Variants in MAGI2 observed in about 807,000 individuals in gnomAD.
MAGI2 encodes the protein membrane-associated guanylate kinase, WW and PDZ domain-containing protein 2.
Under a neutral mutation model 133.3 loss-of-function variants are expected in MAGI2, and 35 were observed. The ratio of observed to expected loss-of-function variants is 0.26; its 90% CI spans 0.20 to 0.35. The LOEUF is 0.35. MAGI2 is among the 10% of genes least tolerant of loss of function. MAGI2 has a pLI of 1.00. For synonymous variants in MAGI2, 729 were observed against 710.6 expected (o/e 1.03, Z -0.41); for missense variants, 1,636 against 1,863.4 (o/e 0.88, Z 2.25).
intron 20 of MAGI2, 93 bp from the exon 21 acceptor site, chr7:78,079,178 G>T: frequency 8.1e-7 from 1 of 1,239,878 alleles, no homozygotes. Context: ...TAGATGACCT[G>T]AGAGCATCCG....
intron 3 of MAGI2, among the ~76,000 whole-genome samples, chr7:78,586,354 TC>T (rs977683528): frequency 6.7e-6 from 1 of 148,532 alleles, no homozygotes; most frequent in Non-Finnish European, 1.5e-5. Context: ...CAGCTAAGAG[TC>T]CCCCCCAAAC....
At chr7:78,101,820 C>T (rs919439901) in intron 20 of MAGI2, among the ~76,000 whole-genome samples, 3 of 152,128 alleles carry the variant, frequency 2.0e-5, no homozygotes, top group African/African-American at 7.2e-5. Flanking sequence ...AATTAGAACT[C>T]TTATTGAACT....
intron 2 of MAGI2, among the ~76,000 whole-genome samples, chr7:78,636,818 CCAAA>C (rs1257377895): frequency 3.3e-5 from 5 of 152,032 alleles, no homozygotes; most frequent in Non-Finnish European, 7.4e-5. Flanking sequence ...AAAACCAAAA[CCAAA>C]CAAACAAAAA....
intron 11 of MAGI2, among the ~76,000 whole-genome samples, chr7:78,198,110 T>C (rs1466668212): frequency 6.6e-6 from 1 of 152,234 alleles, no homozygotes; most frequent in Non-Finnish European, 1.5e-5. Context: ...AGCATCTTCT[T>C]GGCCTTTCCC....
intron 2 of MAGI2, among the ~76,000 whole-genome samples, chr7:78,948,581 T>C (rs1346163275): frequency 6.6e-6 from 1 of 152,128 alleles, no homozygotes; most frequent in Non-Finnish European, 1.5e-5. Context: ...TGTTAAGTGA[T>C]GCATTTCATA....
At chr7:78,944,738 T>TTTAC (rs1554614040) in intron 2 of MAGI2, among the ~76,000 whole-genome samples, 90 of 105,840 alleles carry the variant, frequency 8.5e-4, no homozygotes, top group Middle Eastern at 5.2e-3. Flanking sequence ...TATTTATTTA[T>TTTAC]TTACTTATTT....
At chr7:79,342,995 C>G (rs911907227) in intron 1 of MAGI2, among the ~76,000 whole-genome samples, 6 of 151,964 alleles carry the variant, frequency 3.9e-5, no homozygotes, top group Non-Finnish European at 8.8e-5. Flanking sequence ...AACTCCTGAC[C>G]TCAGGTGATC....
chr7:78,145,217 T>TC (rs1229164230), intron 16 of MAGI2, among the ~76,000 whole-genome samples: 1 of 152,190 alleles, frequency 6.6e-6, no homozygotes, highest in African/African-American at 2.4e-5. Flanking sequence ...TTTATTGTCT[T>TC]CTAGCATCCA....
chr7:78,664,202 G>A lies in MAGI2; in HGVS notation c.419-36963C>T, dbSNP rs748513783. Among the ~76,000 whole-genome samples, 75 of 151,986 alleles carry A rather than the reference G, an allele frequency of 4.9e-4. 1 individual carries two copies. Among genetic ancestry groups the A allele is most frequent in the Non-Finnish European group, 8.8e-4 (60 of 67,976 alleles). Reference sequence around the variant, plus strand: ...CTTACATATTCATTATATATGTGTGGACCCATGTTGATATATGTATATACA... The same window carrying A: ...CTTACATATTCATTATATATGTGTGAACCCATGTTGATATATGTATATACA... On this transcript the variant is annotated intron_variant, in intron 2 of 21. Coordinates refer to ENST00000354212, the MANE Select transcript of MAGI2 (RefSeq NM_012301.4).
chr7:78,675,479 C>T (rs925675650), intron 2 of MAGI2, among the ~76,000 whole-genome samples: 2 of 151,846 alleles, frequency 1.3e-5, no homozygotes, highest in African/African-American at 4.8e-5. Flanking sequence ...TTAAAAGCAT[C>T]AAGGAAGGAG....
At chr7:78,473,758 T>C (rs556450002) in intron 6 of MAGI2, among the ~76,000 whole-genome samples, 9 of 151,994 alleles carry the variant, frequency 5.9e-5, no homozygotes, top group Admixed American at 2.0e-4. Flanking sequence ...CTTCTGGAGA[T>C]CTAAACACAA....
intron 6 of MAGI2, 22 bp downstream of exon 6, chr7:78,489,739 C>T (rs752227887): frequency 6.4e-7 from 1 of 1,571,724 alleles, no homozygotes; most frequent in Non-Finnish European, 8.7e-7. Flanking sequence ...TGCTGAAACA[C>T]CATAAAAACT....
chr7:78,927,300 C>T (rs568349471), intron 2 of MAGI2, among the ~76,000 whole-genome samples: 7 of 152,018 alleles, frequency 4.6e-5, no homozygotes, highest in African/African-American at 1.7e-4. Context: ...TTAGTAAAAT[C>T]AAAATACTAA....
intron 20 of MAGI2, among the ~76,000 whole-genome samples, chr7:78,098,501 T>C (rs1490422319): frequency 6.6e-6 from 1 of 152,160 alleles, no homozygotes; most frequent in African/African-American, 2.4e-5. Context: ...TTTTATTCTA[T>C]TGACGTATAT....
intron 1 of MAGI2, among the ~76,000 whole-genome samples, chr7:79,277,924 A>T (rs1329761404): frequency 6.6e-6 from 1 of 152,132 alleles, no homozygotes; most frequent in Non-Finnish European, 1.5e-5. Flanking sequence ...TGAGTTTCAT[A>T]AGTGACAATT....
At chr7:78,840,841 T>TA (rs1280870976) in intron 2 of MAGI2, among the ~76,000 whole-genome samples, 1 of 151,732 alleles carries the variant, frequency 6.6e-6, no homozygotes, top group Non-Finnish European at 1.5e-5. Context: ...TCTCCTTTGT[T>TA]TTTTCATTTG....
intron 9 of MAGI2, among the ~76,000 whole-genome samples, chr7:78,296,236 T>C (rs866925947): frequency 4.6e-5 from 7 of 152,208 alleles, no homozygotes; most frequent in East Asian, 1.9e-4. Context: ...GAAGATGCCT[T>C]ACTGTGTTCT....
intron 9 of MAGI2, among the ~76,000 whole-genome samples, chr7:78,278,970 CTTAT>C (rs1254898591): frequency 2.6e-5 from 4 of 152,178 alleles, no homozygotes; most frequent in African/African-American, 4.8e-5. Flanking sequence ...TCTATTCAAA[CTTAT>C]TTATTAAACT....
chr7:79,063,722 C>A (rs1350742465), intron 1 of MAGI2, among the ~76,000 whole-genome samples: 1 of 152,050 alleles, frequency 6.6e-6, no homozygotes. Flanking sequence ...CTAAGCTAAA[C>A]ATATTTCTAC....
Sources: gnomAD v4.1 joint callset for allele counts (sites outside exome capture counted in the v4.1 genomes callset) on GRCh38, gnomAD v4.1.1 for gene constraint, MANE v1.5 for transcripts, NCBI Gene and HGNC (gene_info 2026-07-23, HGNC 2026-07-21) for gene names.